Variants in ZNF131 observed in about 807,000 individuals in gnomAD.
ZNF131 encodes zinc finger protein 131.
A neutral mutation model predicts 60.0 loss-of-function variants in ZNF131; 7 were observed. That is an observed-to-expected ratio of 0.12 (90% CI 0.07 to 0.22). The LOEUF (loss-of-function observed/expected upper bound fraction) is 0.22. Among genes scored for constraint, ZNF131 ranks in the 10% least tolerant of loss-of-function variants. The pLI, the probability that ZNF131 is intolerant of heterozygous loss-of-function variation, is 1.00. For synonymous variants in ZNF131, 257 were observed against 253.2 expected (o/e 1.01, Z -0.14); for missense variants, 493 against 740.9 (o/e 0.67, Z 3.88).
At chr5:43,160,766 C>G (rs1482000634) in intron 4 of ZNF131, among the ~76,000 whole-genome samples, 1 of 149,456 alleles carries the variant, frequency 6.7e-6, no homozygotes, top group East Asian at 2.0e-4. Flanking sequence ...TCACCCCAAC[C>G]TCCGCCTCCT....
intron 3 of ZNF131, among the ~76,000 whole-genome samples, chr5:43,130,869 T>TACCAC: frequency 7.1e-6 from 1 of 141,504 alleles, no homozygotes; most frequent in Non-Finnish European, 1.5e-5. Flanking sequence ...CCCGGCTCTT[T>TACCAC]TGTTTGTTTT....
At chr5:43,145,184 T>TA (rs1747425298) in intron 4 of ZNF131, among the ~76,000 whole-genome samples, 1 of 152,148 alleles carries the variant, frequency 6.6e-6, no homozygotes, top group African/African-American at 2.4e-5. Context: ...CATAAGCCTC[T>TA]AAAATCTCTT....
At chr5:43,169,905 C>T (rs1157644014) in intron 5 of ZNF131, among the ~76,000 whole-genome samples, 1 of 152,012 alleles carries the variant, frequency 6.6e-6, no homozygotes, top group African/African-American at 2.4e-5. Context: ...ATTCTCCTGC[C>T]TCAGCCTCCC....
chr5:43,141,555 C>T (rs567352329), intron 4 of ZNF131, among the ~76,000 whole-genome samples: 1 of 151,930 alleles, frequency 6.6e-6, no homozygotes, highest in Non-Finnish European at 1.5e-5. Flanking sequence ...ATTACTTGGA[C>T]CTCAGGAGTT....
intron 5 of ZNF131, among the ~76,000 whole-genome samples, chr5:43,162,952 T>TGC (rs1561439646): frequency 0.065 from 7,948 of 122,086 alleles, 540 homozygotes; most frequent in Non-Finnish European, 0.1. Context: ...TGTTTATACT[T>TGC]CTTTTCTTTT....
chr5:43,149,244 C>T (rs1308130149), intron 4 of ZNF131, among the ~76,000 whole-genome samples: 4 of 151,172 alleles, frequency 2.6e-5, no homozygotes, highest in Non-Finnish European at 5.9e-5. Flanking sequence ...GCACTCCAGC[C>T]TGGGAGACAG....
chr5:43,124,824 G>T (rs76492208), intron 3 of ZNF131: 1 of 152,006 alleles, frequency 6.6e-6, no homozygotes, highest in Non-Finnish European at 1.5e-5. Flanking sequence ...TGATAAACAG[G>T]GTCCAGTCTA....
rs559781960 is a variant in ZNF131, at chr5:43,162,264, T to G, written c.1054+333T>G. On this transcript the variant is annotated intron_variant, in intron 5 of 6. Coordinates refer to ENST00000682664, the MANE Select transcript of ZNF131 (RefSeq NM_001330707.2). ...GACTTTACCATTTCTATTTTTACAT[T>G]TCTTGTGTCGTGTTACTTACAGTAC... is the stretch of plus-strand genomic sequence containing the variant. 5.3e-5 allele frequency among the ~76,000 whole-genome samples: 8 copies of G among 152,346 alleles called. No individual in the cohort carries two copies. The East Asian group carries it at 5.8e-4, about 11-fold the overall frequency.
chr5:43,152,746 T>C (rs1748482853), intron 4 of ZNF131, among the ~76,000 whole-genome samples: 2 of 152,056 alleles, frequency 1.3e-5, no homozygotes, highest in Admixed American at 1.3e-4. Flanking sequence ...GAGCTGAGAC[T>C]GTAGACATGT....
rs765958512 is a variant in ZNF131, at chr5:43,173,475, C to T, written c.1185+27C>T. The T allele has an allele frequency of 2.7e-5, 38 of 1,382,734 alleles. No individual in the cohort carries two copies. The South Asian group carries it at 4.2e-4, about 15-fold the overall frequency. 85.7% of individuals were successfully genotyped at this position (1,382,734 alleles called of 1,614,324 possible). A position where few individuals can be genotyped will look rare whatever the true frequency, so the allele number is the denominator to read the frequency against. On this transcript the variant is annotated intron_variant, in intron 6 of 6. Transcript: ENST00000682664. ...TATGTGCAGATACATACATTCAGTT[C>T]TTAACAAAGGAGTCTTGTGTTTGCA...
At position 43,161,943 on chromosome 5, in the gene ZNF131, A is replaced by G; in HGVS notation, c.1054+12A>G. 6.5e-7 allele frequency: 1 copy of G among 1,547,582 alleles called. No homozygotes were observed. Among genetic ancestry groups the G allele is most frequent in the Non-Finnish European group, 8.7e-7 (1 of 1,150,720 alleles). ...TCGAAAACATACAGGTAATGAGCAA[A>G]TACTTTGTTAAAATTTTTTTTTCCC... On this transcript the variant is annotated intron_variant, in intron 5 of 6. Coordinates refer to ENST00000682664, the MANE Select transcript of ZNF131 (RefSeq NM_001330707.2).
At chr5:43,123,334 T>A (rs1384508593) in intron 3 of ZNF131, 24 bp downstream of exon 3, 1 of 1,563,990 alleles carries the variant, frequency 6.4e-7, no homozygotes, top group East Asian at 2.2e-5. Flanking sequence ...GTTGTTTTTT[T>A]ATTTAATAAA....
intron 3 of ZNF131, among the ~76,000 whole-genome samples, chr5:43,130,269 A>AAAAAAAAAAAAAAAAAAAAAAAAG: frequency 7.2e-6 from 1 of 139,384 alleles, no homozygotes; most frequent in Non-Finnish European, 1.6e-5. Flanking sequence ...GTCTCCAAAA[A>AAAAAAAAAAAAAAAAAAAAAAAAG]AAAAAAAAAA....
intron 3 of ZNF131, among the ~76,000 whole-genome samples, chr5:43,130,850 G>A (rs1013684213): frequency 2.0e-5 from 3 of 151,332 alleles, no homozygotes; most frequent in Non-Finnish European, 4.4e-5. Context: ...ACAGGCATGA[G>A]CCACCACGCC....
chr5:43,132,526 T>G (rs947808370), intron 3 of ZNF131, among the ~76,000 whole-genome samples: 5 of 147,732 alleles, frequency 3.4e-5, no homozygotes, highest in African/African-American at 1.3e-4. Flanking sequence ...TTTTTTTTTT[T>G]TTGAGACAGA....
At chr5:43,121,776 C>T in intron 1 of ZNF131, 1 of 246,568 alleles carries the variant, frequency 4.1e-6, no homozygotes, top group Non-Finnish European at 7.8e-6. Flanking sequence ...GCGCTCGGAA[C>T]CTCCGGCGCT....
In ZNF131 at chr5:43,125,297, AT is replaced by A. The variant is rs965073955; in HGVS notation, c.226+1997del. ...AAGAGGAGTTTTGAGTCTGAGCAGAATTTTTTTTTTCTTTTTTTTGGAGATA... is the reference window on the plus strand; with the variant it reads ...AAGAGGAGTTTTGAGTCTGAGCAGAATTTTTTTTTCTTTTTTTTGGAGATA... On this transcript the variant is annotated intron_variant, in intron 3 of 6. Transcript: ENST00000682664. Among the ~76,000 whole-genome samples the A allele has an allele frequency of 3.6e-3, 536 of 149,004 alleles. 8 individuals carry two copies. The highest frequency in any genetic ancestry group is 0.011 in the African/African-American group (460 of 40,650).
At chr5:43,142,229 G>T (rs1056538281) in intron 4 of ZNF131, among the ~76,000 whole-genome samples, 18 of 150,592 alleles carry the variant, frequency 1.2e-4, no homozygotes, top group African/African-American at 3.9e-4. Flanking sequence ...TGTAATCCCA[G>T]CTACTCGGGA....
chr5:43,175,703 A>C lies in ZNF131; in HGVS notation c.*570A>C, dbSNP rs1467235371. ...TTGCAACAGAAAGAGTGGTGGTGGC[A>C]AAATTTCTAGAATGTTAAAAAAAAA... On this transcript the variant is annotated 3_prime_UTR_variant, in exon 7 of 7. Transcript: ENST00000682664. 3.0e-6 allele frequency: 1 copy of C among 337,442 alleles called. No individual in the cohort carries two copies. The highest frequency in any genetic ancestry group is 5.2e-6 in the Non-Finnish European group (1 of 193,758). The allele number at this position is 337,442 out of a possible 1,614,324, so 20.9% of individuals were successfully genotyped here.
Sources: gnomAD v4.1 joint callset for allele counts (sites outside exome capture counted in the v4.1 genomes callset) on GRCh38, gnomAD v4.1.1 for gene constraint, MANE v1.5 for transcripts, NCBI Gene and HGNC (gene_info 2026-07-23, HGNC 2026-07-21) for gene names.